SNTG1: variants seen among roughly 807,000 people sequenced by gnomAD.
The protein encoded by SNTG1 is syntrophin gamma 1.
A neutral mutation model predicts 74.7 loss-of-function variants in SNTG1; 39 were observed. The observed-to-expected ratio is 0.52, with a 90% CI of 0.40 to 0.68. The LOEUF (loss-of-function observed/expected upper bound fraction) is 0.68. Ranked by LOEUF, SNTG1 falls within the 30% of genes least tolerant of loss-of-function variation. The pLI is 0.00. For synonymous variants in SNTG1, 254 were observed against 217.1 expected (o/e 1.17, Z -1.49); for missense variants, 685 against 609.5 (o/e 1.12, Z -1.30).
chr8:50,110,429 G>A (rs189835440), intron 1 of SNTG1, among the ~76,000 whole-genome samples: 1 of 152,248 alleles, frequency 6.6e-6, no homozygotes, highest in East Asian at 1.9e-4. Flanking sequence ...TTCCTGGAAG[G>A]CTCAGGCATC....
Position 50,708,939 on chromosome 8 carries a change from T to A in SNTG1, c.1245T>A (p.Asp415Glu). 1 of 1,613,918 alleles carries A rather than the reference T, an allele frequency of 6.2e-7. No homozygotes were observed. Among genetic ancestry groups the A allele is most frequent in the Non-Finnish European group, 8.5e-7 (1 of 1,179,938 alleles). Residue 415 changes from aspartate (D) to glutamate (E), a missense_variant, in exon 17 of 19, where the codon GAT (aspartate) becomes GAA (glutamate). Transcript: ENST00000642720. Reference sequence around the variant, plus strand: ...GTCATCTAATGGGACTCACAATTGATTTCAGCACAGGATTTATCTGCTTTG... The same window carrying A: ...GTCATCTAATGGGACTCACAATTGAATTCAGCACAGGATTTATCTGCTTTG... ...LESHLMGLTI[D>E]FSTGFICFDA...
chr8:50,607,979 G>A (rs1585832202), intron 13 of SNTG1, among the ~76,000 whole-genome samples: 1 of 151,702 alleles, frequency 6.6e-6, no homozygotes, highest in African/African-American at 2.4e-5. Context: ...ATTTAGAAGA[G>A]TGGTGTTGTT....
chr8:50,071,456 T>G (rs1261582595), intron 1 of SNTG1, among the ~76,000 whole-genome samples: 1 of 152,148 alleles, frequency 6.6e-6, no homozygotes, highest in African/African-American at 2.4e-5. Flanking sequence ...GTGTGTGTAT[T>G]ATATACGTAT....
chr8:50,337,963 C>T (rs1396220388), intron 2 of SNTG1, among the ~76,000 whole-genome samples: 3 of 151,888 alleles, frequency 2.0e-5, no homozygotes, highest in African/African-American at 4.8e-5. Context: ...GGTGAAACCC[C>T]GTCTCTACTA....
At chr8:50,617,807 A>G (rs186103117) in intron 13 of SNTG1, among the ~76,000 whole-genome samples, 14 of 152,330 alleles carry the variant, frequency 9.2e-5, no homozygotes, top group Admixed American at 2.0e-4. Context: ...GTGCTTTTCT[A>G]TACAATGTCT....
intron 16 of SNTG1, among the ~76,000 whole-genome samples, chr8:50,705,855 G>T (rs1488953960): frequency 6.6e-6 from 1 of 152,190 alleles, no homozygotes; most frequent in Non-Finnish European, 1.5e-5. Flanking sequence ...ACCTCAAACA[G>T]ACCTGTGGAC....
chr8:50,287,620 A>T (rs893319514), intron 2 of SNTG1, among the ~76,000 whole-genome samples: 1 of 152,076 alleles, frequency 6.6e-6, no homozygotes, highest in African/African-American at 2.4e-5. Context: ...TGCTTCAGTC[A>T]TAGTTTAGGA....
intron 2 of SNTG1, among the ~76,000 whole-genome samples, chr8:50,290,364 G>A (rs533815568): frequency 6.6e-6 from 1 of 152,140 alleles, no homozygotes; most frequent in Non-Finnish European, 1.5e-5. Flanking sequence ...ATGCCTAAAG[G>A]TCCTTGAAAG....
At chr8:50,642,240 AG>A (rs2131178591) in intron 13 of SNTG1, among the ~76,000 whole-genome samples, 1 of 152,322 alleles carries the variant, frequency 6.6e-6, no homozygotes, top group Admixed American at 6.5e-5. Context: ...TACTCTCTAA[AG>A]CCTTCCCTGC....
At chr8:50,428,246 G>T (rs1477140204) in intron 4 of SNTG1, among the ~76,000 whole-genome samples, 4 of 152,108 alleles carry the variant, frequency 2.6e-5, no homozygotes, top group Non-Finnish European at 5.9e-5. Flanking sequence ...AGAATTCAAG[G>T]TTACAATGAG....
At chr8:50,579,410 G>C (rs529343329) in intron 12 of SNTG1, among the ~76,000 whole-genome samples, 1 of 152,268 alleles carries the variant, frequency 6.6e-6, no homozygotes, top group Non-Finnish European at 1.5e-5. Context: ...CATTCAAGTA[G>C]GCTGCAGACA....
intron 1 of SNTG1, among the ~76,000 whole-genome samples, chr8:50,164,747 T>C (rs938172873): frequency 3.3e-5 from 5 of 152,234 alleles, no homozygotes; most frequent in African/African-American, 1.2e-4. Context: ...TATGCAACTC[T>C]TATGTTAACA....
intron 5 of SNTG1, among the ~76,000 whole-genome samples, chr8:50,440,411 T>C (rs1049427738): frequency 2.0e-5 from 3 of 152,148 alleles, no homozygotes; most frequent in Admixed American, 2.0e-4. Flanking sequence ...AATATGATTC[T>C]TTCTTTTAAC....
chr8:50,640,808 TG>T (rs1393156138), intron 13 of SNTG1, among the ~76,000 whole-genome samples: 1 of 152,162 alleles, frequency 6.6e-6, no homozygotes, highest in Non-Finnish European at 1.5e-5. Flanking sequence ...GTAATTACAA[TG>T]TGAACATAAT....
intron 2 of SNTG1, among the ~76,000 whole-genome samples, chr8:50,173,197 G>C (rs182287999): frequency 3.3e-5 from 5 of 152,204 alleles, no homozygotes; most frequent in Non-Finnish European, 7.3e-5. Flanking sequence ...TTCAGGAAGG[G>C]AGTGTGAGTC....
chr8:50,552,991 G>A lies in SNTG1; in HGVS notation c.681-59G>A, dbSNP rs184562197. 4.0e-5 allele frequency: 64 copies of A among 1,593,408 alleles called. No homozygotes were observed. The African/African-American group carries it at 6.8e-4, about 17-fold the overall frequency. Reference sequence around the variant, plus strand: ...TAAGCTTTTCAACAGATACTATTACGAGCTGCAAATAGATCAATGACATGA... The same window carrying A: ...TAAGCTTTTCAACAGATACTATTACAAGCTGCAAATAGATCAATGACATGA... On this transcript the variant is annotated intron_variant, in intron 11 of 18. Coordinates refer to ENST00000642720, the MANE Select transcript of SNTG1 (RefSeq NM_018967.5).
At chr8:50,395,178 A>G (rs1422982077) in intron 3 of SNTG1, among the ~76,000 whole-genome samples, 1 of 152,180 alleles carries the variant, frequency 6.6e-6, no homozygotes, top group Admixed American at 6.5e-5. Flanking sequence ...ATATTTAAAA[A>G]TACTTGTCAC....
At chr8:50,130,110 A>G (rs899736369) in intron 1 of SNTG1, among the ~76,000 whole-genome samples, 3 of 152,194 alleles carry the variant, frequency 2.0e-5, no homozygotes, top group African/African-American at 7.2e-5. Context: ...CTATAAGTTT[A>G]AAACTCTGAG....
rs982528265 is a variant in SNTG1, at chr8:50,739,661, C to A, written c.1285-12340C>A. On this transcript the variant is annotated intron_variant, in intron 17 of 18. Transcript: ENST00000642720. ...AGCAAACCACCATGGCATGTGTATC[C>A]CAGAACTTAAAGTATAATAAAAAAA... is the stretch of plus-strand genomic sequence containing the variant. Among the ~76,000 whole-genome samples the A allele has an allele frequency of 2.0e-5, 3 of 151,654 alleles. No individual in the cohort carries two copies. The South Asian group carries it at 6.2e-4, about 31-fold the overall frequency.
Sources: allele counts gnomAD v4.1 joint callset (sites outside exome capture counted in the v4.1 genomes callset), GRCh38; gene constraint gnomAD v4.1.1; transcripts MANE v1.5; gene names NCBI Gene and HGNC (gene_info 2026-07-23, HGNC 2026-07-21).